NRXN3: variants seen among roughly 807,000 people sequenced by gnomAD.
NRXN3 encodes the protein neurexin III.
NRXN3 carries 32 observed loss-of-function variants against 137.6 expected under a neutral mutation model. The ratio of observed to expected loss-of-function variants is 0.23; its 90% CI spans 0.18 to 0.31. The LOEUF (loss-of-function observed/expected upper bound fraction) is 0.31, where lower values mean the gene tolerates loss of function less well. Ranked by LOEUF, NRXN3 falls within the 10% of genes least tolerant of loss-of-function variation. The probability of loss-of-function intolerance (pLI) is 1.00; values close to 1 mark genes in which losing one functional copy is unlikely to be tolerated. For missense variants in NRXN3, 1,574 were observed against 2,062.5 expected, an observed-to-expected ratio of 0.76 and a Z score of 4.59; for synonymous variants, 798 against 784.5, an observed-to-expected ratio of 1.02 and a Z score of -0.29.
rs564040330 is a variant in NRXN3 at position 78,523,527 on chromosome 14, C to T, written c.758-121593C>T. On this transcript the variant is annotated intron_variant, in intron 4 of 20. Transcript: ENST00000335750. ...AATACAAGAGAGTGTAGGCCGGGTGCGGTGGCTCACGCCTGTAATCCCAGC... is the reference window on the plus strand; with the variant it reads ...AATACAAGAGAGTGTAGGCCGGGTGTGGTGGCTCACGCCTGTAATCCCAGC... 8.6e-5 allele frequency among the ~76,000 whole-genome samples: 13 copies of T among 151,058 alleles called. No individual in the cohort carries two copies. The South Asian group carries it at 1.3e-3, about 15-fold the overall frequency.
chr14:79,638,347 A>G (rs151328742), intron 16 of NRXN3, among the ~76,000 whole-genome samples: 80 of 152,164 alleles, frequency 5.3e-4, no homozygotes, highest in Middle Eastern at 3.4e-3. Flanking sequence ...TTCTTTTTCT[A>G]CTTATGTGAT....
At chr14:79,005,320 T>C (rs2099550120) in intron 15 of NRXN3, among the ~76,000 whole-genome samples, 1 of 152,224 alleles carries the variant, frequency 6.6e-6, no homozygotes. Context: ...GGCAATTACT[T>C]CCTGTAAATC....
chr14:78,572,920 T>C (rs1323114836), intron 4 of NRXN3, among the ~76,000 whole-genome samples: 1 of 152,208 alleles, frequency 6.6e-6, no homozygotes, highest in East Asian at 1.9e-4. Context: ...TCTGTGTCCC[T>C]ACCCAAATCT....
At position 79,182,464 on chromosome 14, in the gene NRXN3, C is replaced by T. The variant is rs190496644; in HGVS notation, c.3262+194323C>T. ...TCAGGTATTAGGTTCTCATGAGGAA[C>T]GTGCAACCTAGATCCCTAGTATGCA... On this transcript the variant is annotated intron_variant, in intron 15 of 20. Transcript: ENST00000335750. Among the ~76,000 whole-genome samples the T allele has an allele frequency of 1.2e-4, 18 of 152,000 alleles. No individual in the cohort carries two copies. In the East Asian group the frequency reaches 3.1e-3, roughly 26 times the overall value.
intron 16 of NRXN3, among the ~76,000 whole-genome samples, chr14:79,525,606 G>T (rs974760511): frequency 6.6e-6 from 1 of 152,164 alleles, no homozygotes; most frequent in Non-Finnish European, 1.5e-5. Flanking sequence ...GCATATCACT[G>T]AAGGGCTCTT....
intron 4 of NRXN3, among the ~76,000 whole-genome samples, chr14:78,481,377 A>T (rs2095470932): frequency 1.3e-5 from 2 of 152,192 alleles, no homozygotes; most frequent in Non-Finnish European, 2.9e-5. Flanking sequence ...CATGTTTCGG[A>T]TTTCCTTCTA....
intron 4 of NRXN3, among the ~76,000 whole-genome samples, chr14:78,458,710 C>T (rs921692586): frequency 6.6e-6 from 1 of 152,218 alleles, no homozygotes; most frequent in African/African-American, 2.4e-5. Context: ...TCCATGAGAA[C>T]TGTAGCTATT....
In NRXN3 at chr14:79,185,371, T is replaced by C. The variant is rs532074410; in HGVS notation, c.3262+197230T>C. ...TTTTAATAAAGACTGTCCTGAAAGATACACATGGTGAAACATTCTAATTGT... is the reference window on the plus strand; with the variant it reads ...TTTTAATAAAGACTGTCCTGAAAGACACACATGGTGAAACATTCTAATTGT... On this transcript the variant is annotated intron_variant, in intron 15 of 20. Transcript: ENST00000335750. Among the ~76,000 whole-genome samples, 4 of 152,248 alleles carry C rather than the reference T, an allele frequency of 2.6e-5. No homozygotes were observed. The East Asian group carries it at 7.7e-4, about 29-fold the overall frequency.
At chr14:78,742,334 G>A (rs2098580763) in intron 8 of NRXN3, among the ~76,000 whole-genome samples, 1 of 152,076 alleles carries the variant, frequency 6.6e-6, no homozygotes, top group Non-Finnish European at 1.5e-5. Context: ...TTTTACCTCA[G>A]GTTTTGGAAG....
At chr14:79,453,409 T>C (rs1205160629) in intron 15 of NRXN3, among the ~76,000 whole-genome samples, 1 of 152,270 alleles carries the variant, frequency 6.6e-6, no homozygotes, top group Non-Finnish European at 1.5e-5. Context: ...ATGTAAGCAT[T>C]ATGATTACAA....
chr14:78,810,598 A>T (rs2098906986), intron 10 of NRXN3, among the ~76,000 whole-genome samples: 1 of 152,128 alleles, frequency 6.6e-6, no homozygotes, highest in South Asian at 2.1e-4. Context: ...GAAGAAAAGA[A>T]GGCAAGGGCA....
chr14:78,270,002 G>T (rs1360588645), intron 2 of NRXN3, among the ~76,000 whole-genome samples: 1 of 152,182 alleles, frequency 6.6e-6, no homozygotes, highest in Non-Finnish European at 1.5e-5. Flanking sequence ...AAGTGCTTTT[G>T]CGTATGTTAG....
At chr14:79,329,276 T>C (rs1433985691) in intron 15 of NRXN3, among the ~76,000 whole-genome samples, 3 of 152,212 alleles carry the variant, frequency 2.0e-5, no homozygotes, top group African/African-American at 7.2e-5. Flanking sequence ...ACAATGGGCA[T>C]GTGTATAGTA....
chr14:78,396,166 A>G (rs1293301804), intron 4 of NRXN3, among the ~76,000 whole-genome samples: 4 of 142,018 alleles, frequency 2.8e-5, no homozygotes, highest in Admixed American at 1.4e-4. Context: ...TGCTCTAGGT[A>G]TTACACACAC....
chr14:78,510,900 T>C (rs1313594401), intron 4 of NRXN3, among the ~76,000 whole-genome samples: 4 of 152,216 alleles, frequency 2.6e-5, no homozygotes, highest in African/African-American at 9.6e-5. Context: ...CACCAGATCT[T>C]TGCCTCTCCC....
At chr14:78,383,307 G>A (rs2089448044) in intron 4 of NRXN3, among the ~76,000 whole-genome samples, 1 of 152,130 alleles carries the variant, frequency 6.6e-6, no homozygotes, top group South Asian at 2.1e-4. Context: ...TGGAAAATAG[G>A]GTGAACATGA....
chr14:78,541,196 T>C (rs948059049), intron 4 of NRXN3, among the ~76,000 whole-genome samples: 3 of 152,204 alleles, frequency 2.0e-5, no homozygotes, highest in Admixed American at 6.5e-5. Context: ...CTGGATAATA[T>C]CCTGAAGAGT....
At chr14:79,226,632 T>C (rs933047753) in intron 15 of NRXN3, among the ~76,000 whole-genome samples, 3 of 152,148 alleles carry the variant, frequency 2.0e-5, no homozygotes, top group African/African-American at 4.8e-5. Flanking sequence ...ATGCCCCTTG[T>C]AAACAGCCTA....
chr14:79,248,441 T>C (rs997503063), intron 15 of NRXN3, among the ~76,000 whole-genome samples: 13 of 152,168 alleles, frequency 8.5e-5, no homozygotes, highest in Non-Finnish European at 1.9e-4. Flanking sequence ...GGACAGACTA[T>C]ACTTGTCTTT....
Sources: gnomAD v4.1 joint callset for allele counts (sites outside exome capture counted in the v4.1 genomes callset) on GRCh38, gnomAD v4.1.1 for gene constraint, MANE v1.5 for transcripts, NCBI Gene and HGNC (gene_info 2026-07-23, HGNC 2026-07-21) for gene names.